Variants in SLC35B4 observed in about 807,000 individuals in gnomAD.
The protein encoded by SLC35B4 is nucleotide sugar transporter SLC35B4.
In SLC35B4, 28 loss-of-function variants were observed where a neutral mutation model predicts 39.5. The ratio of observed to expected loss-of-function variants is 0.71; its 90% confidence interval spans 0.53 to 0.97. The LOEUF (loss-of-function observed/expected upper bound fraction) is 0.97. SLC35B4 is among the 50% of genes least tolerant of loss of function. The pLI is 0.00. For synonymous variants in SLC35B4, 145 were observed against 150.4 expected (o/e 0.96, Z 0.26); for missense variants, 334 against 414.3 (o/e 0.81, Z 1.68).
chr7:134,309,704 C>T (rs1202134407), intron 1 of SLC35B4, among the ~76,000 whole-genome samples: 2 of 152,192 alleles, frequency 1.3e-5, no homozygotes, highest in East Asian at 3.8e-4. Context: ...GTGTATCAGG[C>T]CATGAGTGAG....
rs1803296846 is a variant in SLC35B4 at position 134,289,910 on chromosome 7, G to A, written c.*4923C>T. 6.6e-6 allele frequency: 1 copy of A among 151,994 alleles called. No individual in the cohort carries two copies. Among genetic ancestry groups the A allele is most frequent in the South Asian group, 2.1e-4 (1 of 4,808 alleles). 9.4% of individuals were successfully genotyped at this position (151,994 alleles called of 1,614,324 possible). On this transcript the variant is annotated 3_prime_UTR_variant, in exon 10 of 10. Transcript: ENST00000378509. ...CAACTTGCCTCACTTGATTAAAATT[G>A]ACAAATTTTGGTAGGACGGTTACCA...
intron 1 of SLC35B4, 82 bp downstream of exon 1, chr7:134,316,593 G>T: frequency 7.0e-7 from 1 of 1,423,614 alleles, no homozygotes; most frequent in African/African-American, 1.4e-5. Flanking sequence ...GACAGGGCGT[G>T]GGCGCGTCCC....
At chr7:134,304,122 C>G (rs1398036550) in intron 4 of SLC35B4, among the ~76,000 whole-genome samples, 1 of 152,236 alleles carries the variant, frequency 6.6e-6, no homozygotes, top group Non-Finnish European at 1.5e-5. Context: ...CACATCTGGG[C>G]TCTCCAACGT....
chr7:134,318,500 A>C (rs1311711783), upstream of SLC35B4, among the ~76,000 whole-genome samples: 1 of 152,136 alleles, frequency 6.6e-6, no homozygotes, highest in Non-Finnish European at 1.5e-5. Flanking sequence ...TATAACTGGT[A>C]TATATACAGG....
At chr7:134,310,106 G>C (rs1289746701) in intron 1 of SLC35B4, among the ~76,000 whole-genome samples, 1 of 152,168 alleles carries the variant, frequency 6.6e-6, no homozygotes, top group African/African-American at 2.4e-5. Flanking sequence ...TCTATGGCAG[G>C]GGAGGGATTA....
chr7:134,304,483 G>A (rs570746048), intron 4 of SLC35B4, among the ~76,000 whole-genome samples: 3 of 152,242 alleles, frequency 2.0e-5, no homozygotes, highest in South Asian at 4.1e-4. Context: ...ATAGTCACAC[G>A]TGGCTAGTGG....
intron 9 of SLC35B4, among the ~76,000 whole-genome samples, chr7:134,295,955 G>T (rs1803456405): frequency 6.6e-6 from 1 of 152,106 alleles, no homozygotes; most frequent in South Asian, 2.1e-4. Context: ...TCAGCCTATG[G>T]AGTAGCTGGG....
chr7:134,312,074 A>G (rs1410050487), intron 1 of SLC35B4, among the ~76,000 whole-genome samples: 2 of 152,204 alleles, frequency 1.3e-5, no homozygotes, highest in African/African-American at 4.8e-5. Flanking sequence ...TAAATGAGCC[A>G]TCCCTGAAAA....
rs1210259524 is a variant in SLC35B4, at chr7:134,316,921, C to G, written c.-170G>C. 1 of 623,142 alleles carries G rather than the reference C, an allele frequency of 1.6e-6. No homozygotes were observed. Among genetic ancestry groups the G allele is most frequent in the Non-Finnish European group, 2.8e-6 (1 of 359,744 alleles). The allele number at this position is 623,142 out of a possible 1,614,324, so 38.6% of individuals were successfully genotyped here. A position where few individuals can be genotyped will look rare whatever the true frequency, so the allele number is the denominator to read the frequency against. On this transcript the variant is annotated 5_prime_UTR_variant, in exon 1 of 10. Transcript: ENST00000378509. ...CCCCTTCTCCCGCGGCCAACACCGACGCTGCCAAGAAGCTGTAGTTCGCAG... is the reference window on the plus strand; with the variant it reads ...CCCCTTCTCCCGCGGCCAACACCGAGGCTGCCAAGAAGCTGTAGTTCGCAG...
At chr7:134,308,659 G>A (rs867934963) in intron 2 of SLC35B4, among the ~76,000 whole-genome samples, 4 of 152,250 alleles carry the variant, frequency 2.6e-5, no homozygotes, top group Admixed American at 1.3e-4. Context: ...CGCTCTAAAC[G>A]GGAGTAAGTG....
intron 1 of SLC35B4, among the ~76,000 whole-genome samples, chr7:134,310,529 G>A (rs900706174): frequency 2.6e-5 from 4 of 151,104 alleles, no homozygotes; most frequent in African/African-American, 4.9e-5. Flanking sequence ...ACCTGCCTTC[G>A]TATTCTGTGT....
rs1746574852 is a variant in SLC35B4 at position 134,290,704 on chromosome 7, T to C, written c.*4129A>G. The C allele has an allele frequency of 6.6e-6, 1 of 152,234 alleles. No homozygotes were observed. The highest frequency in any genetic ancestry group is 6.5e-5 in the Admixed American group (1 of 15,286). The allele number at this position is 152,234 out of a possible 1,614,324, so 9.4% of individuals were successfully genotyped here. A position where few individuals can be genotyped will look rare whatever the true frequency, so the allele number is the denominator to read the frequency against. Reference sequence around the variant, plus strand: ...CAATAATAATAAGGAATGGATTTTATCTATATTGACAGTTCTTTCAACCTT... The same window carrying C: ...CAATAATAATAAGGAATGGATTTTACCTATATTGACAGTTCTTTCAACCTT... On this transcript the variant is annotated 3_prime_UTR_variant, in exon 10 of 10. Transcript: ENST00000378509.
At chr7:134,318,549 T>G (rs1284438232), upstream of SLC35B4, among the ~76,000 whole-genome samples, 1 of 152,054 alleles carries the variant, frequency 6.6e-6, no homozygotes, top group Non-Finnish European at 1.5e-5. Context: ...CCAAGTAAAG[T>G]GGACTATCTG....
chr7:134,310,353 C>T (rs919800153), intron 1 of SLC35B4, among the ~76,000 whole-genome samples: 3 of 152,122 alleles, frequency 2.0e-5, no homozygotes, highest in African/African-American at 7.2e-5. Flanking sequence ...TAAAAACTTC[C>T]TCCTGACATT....
intron 4 of SLC35B4, among the ~76,000 whole-genome samples, chr7:134,302,629 T>A (rs1803610516): frequency 1.3e-5 from 2 of 152,206 alleles, no homozygotes; most frequent in South Asian, 4.1e-4. Context: ...AACATTGTTT[T>A]AAAATGTTGG....
In SLC35B4 at chr7:134,310,416, G is replaced by T. The variant is rs185051802; in HGVS notation, c.78-937C>A. On this transcript the variant is annotated intron_variant, in intron 1 of 9. Coordinates refer to ENST00000378509, the MANE Select transcript of SLC35B4 (RefSeq NM_032826.5). ...ATTTAAAATGTTCAGGTTTTCTTGA[G>T]CTTGTCTTCCATTCAGCTCTGCTCA... Among the ~76,000 whole-genome samples the T allele has an allele frequency of 2.2e-3, 328 of 152,322 alleles. 1 individual carries two copies. The highest frequency in any genetic ancestry group is 6.3e-3 in the African/African-American group (261 of 41,574).
chr7:134,296,633 G>A (rs1259994352), intron 8 of SLC35B4, among the ~76,000 whole-genome samples, 167 bp from the exon 9 acceptor site: 1 of 152,202 alleles, frequency 6.6e-6, no homozygotes, highest in Non-Finnish European at 1.5e-5. Flanking sequence ...CCAGGCTATA[G>A]CAGCCACTAA....
At chr7:134,317,420 G>C (rs896971602), upstream of SLC35B4, among the ~76,000 whole-genome samples, 2 of 152,264 alleles carry the variant, frequency 1.3e-5, no homozygotes, top group South Asian at 4.2e-4. Context: ...CACTTGGAGA[G>C]CTTTAAAGAT....
Position 134,290,624 on chromosome 7 carries a change from C to G in SLC35B4, c.*4209G>C, listed in dbSNP as rs1803312170. 6.6e-6 allele frequency: 1 copy of G among 152,174 alleles called. No homozygotes were observed. The highest frequency in any genetic ancestry group is 1.5e-5 in the Non-Finnish European group (1 of 68,032). The allele number at this position is 152,174 out of a possible 1,614,324, so 9.4% of individuals were successfully genotyped here. On this transcript the variant is annotated 3_prime_UTR_variant, in exon 10 of 10. Coordinates refer to ENST00000378509, the MANE Select transcript of SLC35B4 (RefSeq NM_032826.5). The stretch of plus-strand genomic sequence containing the variant: ...CACTGAACACATTTGAGGCTTATGA[C>G]TGGTTCTTTTACTTACAAATATTGT...
Sources: gnomAD v4.1 joint callset for allele counts (sites outside exome capture counted in the v4.1 genomes callset) on GRCh38, gnomAD v4.1.1 for gene constraint, MANE v1.5 for transcripts, NCBI Gene and HGNC (gene_info 2026-07-23, HGNC 2026-07-21) for gene names.